Variants in RIC1 observed in about 807,000 individuals in gnomAD.
RIC1 encodes guanine nucleotide exchange factor subunit RIC1.
A neutral mutation model predicts 169.0 loss-of-function variants in RIC1; 88 were observed. The ratio of observed to expected loss-of-function variants is 0.52; its 90% confidence interval spans 0.44 to 0.62. The LOEUF is 0.62. RIC1 is among the 20% of genes least tolerant of loss of function. The probability of loss-of-function intolerance (pLI) is 0.00; values close to 1 mark genes in which losing one functional copy is unlikely to be tolerated. For synonymous variants in RIC1, 790 were observed against 601.5 expected, an observed-to-expected ratio of 1.31 and a Z score of -4.59; for missense variants, 1,877 against 1,725.5, an observed-to-expected ratio of 1.09 and a Z score of -1.56.
At chr9:5,665,234 A>G (rs1358343271) in intron 2 of RIC1, among the ~76,000 whole-genome samples, 1 of 148,442 alleles carries the variant, frequency 6.7e-6, no homozygotes, top group Non-Finnish European at 1.5e-5. Context: ...TTCCTCTCTA[A>G]ACTGGCTGCT....
chr9:5,756,522 A>G (rs866618013), intron 16 of RIC1, 150 bp downstream of exon 16: 6 of 440,570 alleles, frequency 1.4e-5, no homozygotes, highest in Middle Eastern at 1.2e-3. Flanking sequence ...TTAATTAGTG[A>G]TATTGATATA....
At chr9:5,648,483 T>A (rs530689414) in intron 1 of RIC1, among the ~76,000 whole-genome samples, 1 of 152,344 alleles carries the variant, frequency 6.6e-6, no homozygotes, top group Admixed American at 6.5e-5. Flanking sequence ...GGCTATGAAC[T>A]TGGGGGTGCA....
intron 2 of RIC1, among the ~76,000 whole-genome samples, chr9:5,684,120 C>T (rs1265620883): frequency 2.6e-5 from 4 of 152,122 alleles, no homozygotes; most frequent in African/African-American, 9.7e-5. Flanking sequence ...TGCCCTGCTT[C>T]AGCTCACGCA....
intron 2 of RIC1, among the ~76,000 whole-genome samples, chr9:5,683,039 A>G (rs941690822): frequency 6.6e-6 from 1 of 151,260 alleles, no homozygotes; most frequent in African/African-American, 2.4e-5. Flanking sequence ...ACTTCTCTCC[A>G]TTGGTTATTC....
intron 17 of RIC1, among the ~76,000 whole-genome samples, chr9:5,762,091 G>C (rs188794176): frequency 1.2e-4 from 19 of 152,202 alleles, no homozygotes; most frequent in Admixed American, 7.8e-4. Context: ...CCCTAGTCTA[G>C]CCAGACTGTT....
chr9:5,772,053 C>G (rs1244885166), intron 23 of RIC1, among the ~76,000 whole-genome samples: 2 of 152,136 alleles, frequency 1.3e-5, no homozygotes, highest in African/African-American at 4.8e-5. Flanking sequence ...GTTTCATAGA[C>G]ATCATAATTT....
chr9:5,760,405 AAAGAG>A (rs1215735816), intron 17 of RIC1, among the ~76,000 whole-genome samples: 21 of 152,238 alleles, frequency 1.4e-4, no homozygotes, highest in African/African-American at 5.1e-4. Context: ...TCACTGAAGA[AAAGAG>A]AAGTGTACTT....
At chr9:5,661,391 G>C (rs756581017) in intron 2 of RIC1, among the ~76,000 whole-genome samples, 12 of 152,128 alleles carry the variant, frequency 7.9e-5, no homozygotes, top group Non-Finnish European at 1.8e-4. Flanking sequence ...GTAGTTTAAT[G>C]GGGATAGCAT....
intron 21 of RIC1, 129 bp downstream of exon 21, chr9:5,765,927 A>G (rs1192586534): frequency 8.7e-7 from 1 of 1,146,784 alleles, no homozygotes; most frequent in Non-Finnish European, 1.2e-6. Context: ...TCCATTCCCA[A>G]AAAGCAGAGG....
At chr9:5,765,022 A>G (rs1204654484) in intron 19 of RIC1, 1 of 159,266 alleles carries the variant, frequency 6.3e-6, no homozygotes, top group African/African-American at 2.4e-5. Context: ...GCAACAGGAG[A>G]CAGACCTGAC....
In RIC1 at chr9:5,669,771, G is replaced by C. The variant is rs544126187; in HGVS notation, c.252+13081G>C. Among the ~76,000 whole-genome samples the C allele has an allele frequency of 3.9e-5, 6 of 152,292 alleles. No homozygotes were observed. In the East Asian group the frequency reaches 1.2e-3, roughly 29 times the overall value. On this transcript the variant is annotated intron_variant, in intron 2 of 25. Transcript: ENST00000414202. Reference sequence around the variant, plus strand: ...TGGGCAAGTGGGAATTTATAGCCAAGGAGCAGTGTGGGAGTCAATGGATAG... The same window carrying C: ...TGGGCAAGTGGGAATTTATAGCCAACGAGCAGTGTGGGAGTCAATGGATAG...
intron 4 of RIC1, among the ~76,000 whole-genome samples, chr9:5,717,193 T>C (rs1391652111): frequency 6.6e-6 from 1 of 152,230 alleles, no homozygotes; most frequent in Non-Finnish European, 1.5e-5. Context: ...CATTTGTTTG[T>C]TGCAGCATCA....
chr9:5,675,438 C>G (rs961697545), intron 2 of RIC1, among the ~76,000 whole-genome samples: 1 of 152,106 alleles, frequency 6.6e-6, no homozygotes, highest in African/African-American at 2.4e-5. Flanking sequence ...ACTTAGAACT[C>G]CTATCTAACA....
intron 1 of RIC1, among the ~76,000 whole-genome samples, chr9:5,652,608 T>G (rs1296796335): frequency 1.3e-5 from 2 of 152,186 alleles, no homozygotes; most frequent in African/African-American, 4.8e-5. Flanking sequence ...GGTGGCATCT[T>G]TAGGGTTTCT....
At chr9:5,646,654 C>G (rs1361749331) in intron 1 of RIC1, among the ~76,000 whole-genome samples, 1 of 152,088 alleles carries the variant, frequency 6.6e-6, no homozygotes, top group African/African-American at 2.4e-5. Flanking sequence ...GTTAAGTACC[C>G]ACTGTGATGT....
intron 1 of RIC1, among the ~76,000 whole-genome samples, chr9:5,634,685 ATTGT>A (rs2130247370): frequency 6.6e-6 from 1 of 151,326 alleles, no homozygotes; most frequent in African/African-American, 2.4e-5. Flanking sequence ...TATCTTGTTG[ATTGT>A]TTTCTTTACT....
intron 3 of RIC1, among the ~76,000 whole-genome samples, chr9:5,697,790 A>G (rs1821992918): frequency 6.6e-6 from 1 of 152,204 alleles, no homozygotes; most frequent in South Asian, 2.1e-4. Context: ...ATTCATCCTC[A>G]TTTATTGTAT....
intron 8 of RIC1, among the ~76,000 whole-genome samples, chr9:5,740,896 C>G (rs1422124181): frequency 1.3e-5 from 2 of 152,172 alleles, no homozygotes; most frequent in East Asian, 1.9e-4. Flanking sequence ...TTCATGTTGA[C>G]TTAGTGTTAC....
intron 1 of RIC1, among the ~76,000 whole-genome samples, chr9:5,640,608 G>A (rs556607323): frequency 7.2e-4 from 109 of 152,256 alleles, no homozygotes; most frequent in Non-Finnish European, 1.3e-3. Context: ...CAGAATAAGA[G>A]TGTAATTGTG....
Sources: allele counts gnomAD v4.1 joint callset (sites outside exome capture counted in the v4.1 genomes callset), GRCh38; gene constraint gnomAD v4.1.1; transcripts MANE v1.5; gene names NCBI Gene and HGNC (gene_info 2026-07-23, HGNC 2026-07-21).